Variants in CAMKK2 observed in about 807,000 individuals in gnomAD.
CAMKK2 encodes calcium/calmodulin dependent protein kinase kinase 2, also known as calcium/calmodulin-dependent protein kinase kinase 2.
A neutral mutation model predicts 67.2 loss-of-function variants in CAMKK2; 30 were observed. That is an observed-to-expected ratio of 0.45 (90% CI 0.33 to 0.61). CAMKK2 has a LOEUF of 0.61. Ranked by LOEUF, CAMKK2 falls within the 20% of genes least tolerant of loss-of-function variation. CAMKK2 has a pLI of 0.02. For missense variants in CAMKK2, 643 were observed against 802.0 expected, an observed-to-expected ratio of 0.80 and a Z score of 2.39; for synonymous variants, 322 against 326.2, an observed-to-expected ratio of 0.99 and a Z score of 0.14.
At chr12:121,270,570 A>G (rs952256784) in intron 3 of CAMKK2, among the ~76,000 whole-genome samples, 7 of 151,752 alleles carry the variant, frequency 4.6e-5, no homozygotes, top group African/African-American at 1.5e-4. Context: ...TGGTGATGAT[A>G]CCCCCCATTA....
intron 1 of CAMKK2, among the ~76,000 whole-genome samples, chr12:121,288,125 T>TCTTC (rs1303878383): frequency 1.7e-4 from 26 of 152,180 alleles, no homozygotes; most frequent in Non-Finnish European, 3.1e-4. Flanking sequence ...GTAGAAACCA[T>TCTTC]CTTCCTTCCT....
intron 2 of CAMKK2, among the ~76,000 whole-genome samples, chr12:121,272,465 G>T: frequency 6.6e-6 from 1 of 152,080 alleles, no homozygotes; most frequent in East Asian, 1.9e-4. Context: ...TTTGGCTCAT[G>T]CTGTGAATTC....
intron 9 of CAMKK2, among the ~76,000 whole-genome samples, chr12:121,255,341 T>TAA (rs1566060061): frequency 2.5e-4 from 7 of 28,070 alleles, no homozygotes; most frequent in African/African-American, 8.3e-4. Context: ...TATATATAAT[T>TAA]TTATATATAT....
chr12:121,284,460 G>C (rs1023530170), intron 1 of CAMKK2, among the ~76,000 whole-genome samples: 12 of 152,192 alleles, frequency 7.9e-5, no homozygotes, highest in African/African-American at 2.7e-4. Flanking sequence ...AAGTAGCTGG[G>C]GATTACAGGC....
intron 1 of CAMKK2, among the ~76,000 whole-genome samples, chr12:121,293,913 G>A (rs1401735121): frequency 6.6e-6 from 1 of 151,682 alleles, no homozygotes; most frequent in Non-Finnish European, 1.5e-5. Flanking sequence ...TGGCATTTGG[G>A]GGAGGGTGAT....
chr12:121,240,214 T>G lies in CAMKK2; in HGVS notation c.*485A>C. ...CTCTGACTCCTTGAGACCACGGCTC[T>G]GGAAGGTGCCATGGTTTCCGGTTTG... On this transcript the variant is annotated 3_prime_UTR_variant, in exon 17 of 17. Coordinates refer to ENST00000404169, the MANE Select transcript of CAMKK2 (RefSeq NM_001270485.2). The surrounding 1 kb of genome is among the most constrained non-coding windows in gnomAD (Gnocchi z 4.4). 1 of 585,660 alleles carries G rather than the reference T, an allele frequency of 1.7e-6. No homozygotes were observed. Among genetic ancestry groups the G allele is most frequent in the South Asian group, 2.1e-5 (1 of 47,002 alleles). The allele number at this position is 585,660 out of a possible 1,614,324, so 36.3% of individuals were successfully genotyped here.
Position 121,271,067 on chromosome 12 carries a change from G to C in CAMKK2, c.472-122C>G, listed in dbSNP as rs1895662289. 19 of 744,992 alleles carry C rather than the reference G, an allele frequency of 2.6e-5. No homozygotes were observed. The South Asian group carries it at 2.9e-4, about 11-fold the overall frequency. 46.1% of individuals were successfully genotyped at this position (744,992 alleles called of 1,614,324 possible). A position where few individuals can be genotyped will look rare whatever the true frequency, so the allele number is the denominator to read the frequency against. ...AGGTGGGAGGATCACTTGAGTTCAGGAGTTCCAGACCAGCCTGGCCAACAT... is the reference window on the plus strand; with the variant it reads ...AGGTGGGAGGATCACTTGAGTTCAGCAGTTCCAGACCAGCCTGGCCAACAT... On this transcript the variant is annotated intron_variant, in intron 2 of 16. Coordinates refer to ENST00000404169, the MANE Select transcript of CAMKK2 (RefSeq NM_001270485.2).
chr12:121,261,010 A>G lies in CAMKK2; in HGVS notation c.760-655T>C, dbSNP rs574211352. Among the ~76,000 whole-genome samples the G allele has an allele frequency of 7.3e-5, 11 of 151,700 alleles. No individual in the cohort carries two copies. The South Asian group carries it at 2.3e-3, about 32-fold the overall frequency. The stretch of plus-strand genomic sequence containing the variant: ...CTAGGAGACAACGGTGTTCAGGGTG[A>G]AAATTCAAATCCTATCTGGGCTCAA... On this transcript the variant is annotated intron_variant, in intron 6 of 16. Transcript: ENST00000404169.
In CAMKK2 at chr12:121,244,054, A is replaced by G. The variant is rs1390185262; in HGVS notation, c.1596+519T>C. The G allele has an allele frequency of 1.2e-5, 19 of 1,596,912 alleles. No individual in the cohort carries two copies. In the South Asian group the frequency reaches 1.4e-4, roughly 11 times the overall value. ...TGAAGGAAGGGTGGCTGACAGCAAG[A>G]AGGTCTGCATCCACTCGGGTGAGGG... On this transcript the variant is annotated intron_variant, in intron 16 of 16. Coordinates refer to ENST00000404169, the MANE Select transcript of CAMKK2 (RefSeq NM_001270485.2).
rs1896483900 is a variant in CAMKK2, at chr12:121,274,730, ATC to A, written c.-59-147_-59-146del. On this transcript the variant is annotated intron_variant, in intron 1 of 16. Coordinates refer to ENST00000404169, the MANE Select transcript of CAMKK2 (RefSeq NM_001270485.2). ...ATCTTGCAAAACATGGTGTGATCTG[ATC>A]TCTGAGTCTATACAGAAAAGCAGAG... is the stretch of plus-strand genomic sequence containing the variant. 5.3e-6 allele frequency: 3 copies of A among 560,876 alleles called. No homozygotes were observed. The East Asian group carries it at 8.5e-5, about 16-fold the overall frequency. The allele number at this position is 560,876 out of a possible 1,614,324, so 34.7% of individuals were successfully genotyped here.
At position 121,285,240 on chromosome 12, in the gene CAMKK2, C is replaced by T. The variant is rs193193044; in HGVS notation, c.-59-10655G>A. Among the ~76,000 whole-genome samples the T allele has an allele frequency of 5.3e-5, 8 of 152,330 alleles. No individual in the cohort carries two copies. The highest frequency in any genetic ancestry group is 3.3e-4 in the Admixed American group (5 of 15,306). On this transcript the variant is annotated intron_variant, in intron 1 of 16. Transcript: ENST00000404169. The surrounding 1 kb of genome is among the most constrained non-coding windows in gnomAD (Gnocchi z 4.1). Reference sequence around the variant, plus strand: ...ATATGAGGCCGGGCGCAGTGGTTCACGCCTGTAATCCCAGCACTTTGGGAG... The same window carrying T: ...ATATGAGGCCGGGCGCAGTGGTTCATGCCTGTAATCCCAGCACTTTGGGAG...
chr12:121,265,051 A>T (rs1894257243), intron 5 of CAMKK2, among the ~76,000 whole-genome samples: 1 of 152,134 alleles, frequency 6.6e-6, no homozygotes, highest in South Asian at 2.1e-4. Flanking sequence ...AAGCATCGGG[A>T]GAGAAAAACA....
chr12:121,249,804 C>A lies in CAMKK2; in HGVS notation c.1306G>T (p.Val436Leu). The change falls in exon 13 of 17, where the codon GTG (valine) becomes TTG (leucine). Residue 436 changes from valine (V) to leucine (L), a missense_variant. Physicochemically the swap from Val to Leu is conservative, Grantham distance 32 (BLOSUM62 1). Transcript: ENST00000404169. ...AAGGGTACCTTGATTTCCGGCACCA[C>A]GATCCTCGACTCGGGGTTCTTGTCC... The part of the protein sequence containing the change: ...MLDKNPESRI[V>L]VPEIKLHPWV... The A allele has an allele frequency of 1.9e-6, 3 of 1,614,076 alleles. No homozygotes were observed. Among genetic ancestry groups the A allele is most frequent in the Non-Finnish European group, 2.5e-6 (3 of 1,179,982 alleles).
In CAMKK2 at chr12:121,240,427, C is replaced by T; in HGVS notation, c.*272G>A. 6.6e-7 allele frequency: 1 copy of T among 1,516,600 alleles called. No homozygotes were observed. The highest frequency in any genetic ancestry group is 8.8e-7 in the Non-Finnish European group (1 of 1,141,220). The allele number at this position is 1,516,600 out of a possible 1,614,324, so 93.9% of individuals were successfully genotyped here. ...TTTGGCATAAAAACGTTTTAAAAAG[C>T]AATTGTCCCAAAATGCACGTGGGTT... On this transcript the variant is annotated 3_prime_UTR_variant, in exon 17 of 17. Transcript: ENST00000404169. The surrounding 1 kb of genome is among the most constrained non-coding windows in gnomAD (Gnocchi z 4.4).
chr12:121,275,513 CG>C lies in CAMKK2; in HGVS notation c.-59-929del, dbSNP rs372342530. 9.5e-3 allele frequency among the ~76,000 whole-genome samples: 1,246 copies of C among 131,354 alleles called. 11 individuals are homozygous for C. The highest frequency in any genetic ancestry group is 0.038 in the African/African-American group (1,168 of 30,708). The allele number at this position is 131,354 out of a possible 152,430, so 86.2% of individuals were successfully genotyped here. A position where few individuals can be genotyped will look rare whatever the true frequency, so the allele number is the denominator to read the frequency against. The stretch of plus-strand genomic sequence containing the variant: ...TCAAAAAAAAAAAAAAAAAAAAGGT[CG>C]GGGGGAATCAAGTATATGCCACAAT... On this transcript the variant is annotated intron_variant, in intron 1 of 16. Transcript: ENST00000404169.
chr12:121,240,751 G>C lies in CAMKK2; in HGVS notation c.1715C>G (p.Ser572Cys), dbSNP rs766910933. Residue 572 changes from serine (S) to cysteine (C), a missense_variant, in exon 17 of 17, where the codon TCC (serine) becomes TGC (cysteine). Physicochemically the swap from Ser to Cys is moderately radical, Grantham distance 112. Around this residue, in one of 3 missense-constraint regions of CAMKK2, gnomAD observed 140 missense variants for 124.2 expected, o/e 1.13. Coordinates refer to ENST00000404169, the MANE Select transcript of CAMKK2 (RefSeq NM_001270485.2). This position sits in a 1 kb window ranked among gnomAD's most constrained non-coding sequence, Gnocchi z 4.4. ...CCGCAGTGGATGCATGCGTGCGGGG[G>C]AGCCGGGGGCGGGGGCCCAGCAACT... Reference protein sequence around the residue: ...VESCWAPAPGSPARMHPLRPE... With the variant: ...VESCWAPAPGCPARMHPLRPE... 6 of 1,609,036 alleles carry C rather than the reference G, an allele frequency of 3.7e-6. No homozygotes were observed. The African/African-American group carries it at 5.4e-5, about 14-fold the overall frequency.
intron 16 of CAMKK2, chr12:121,243,982 C>A (rs918046044): frequency 6.6e-7 from 1 of 1,504,308 alleles, no homozygotes; most frequent in East Asian, 2.5e-5. Context: ...GGACACAAAG[C>A]CTCATCTGTC....
At chr12:121,283,327 T>A (rs900810297) in intron 1 of CAMKK2, among the ~76,000 whole-genome samples, 2 of 151,464 alleles carry the variant, frequency 1.3e-5, no homozygotes, top group African/African-American at 4.9e-5. Flanking sequence ...ACTGGCTCTC[T>A]CCTTCAGCGC....
intron 2 of CAMKK2, among the ~76,000 whole-genome samples, chr12:121,273,763 T>A (rs1896218772): frequency 6.6e-6 from 1 of 152,164 alleles, no homozygotes; most frequent in Admixed American, 6.5e-5. Flanking sequence ...TGCTCTGTGC[T>A]GTTCCCCAGG....
Sources: allele counts gnomAD v4.1 joint callset (sites outside exome capture counted in the v4.1 genomes callset), GRCh38; gene constraint gnomAD v4.1.1; regional missense constraint gnomAD v4.1.1; non-coding constraint Gnocchi (gnomAD v3.1); transcripts MANE v1.5; gene names NCBI Gene and HGNC (gene_info 2026-07-23, HGNC 2026-07-21).